SZRD1: variants seen among roughly 807,000 people sequenced by gnomAD.
The protein encoded by SZRD1 is SUZ RNA-binding domain-containing.
In SZRD1, 7 loss-of-function variants were observed where a neutral mutation model predicts 17.6. The observed-to-expected ratio is 0.40, with a 90% CI of 0.23 to 0.75. The LOEUF (loss-of-function observed/expected upper bound fraction) is 0.75. Among genes scored for constraint, SZRD1 ranks in the 30% least tolerant of loss-of-function variants. The probability of loss-of-function intolerance (pLI) is 0.38; values close to 1 mark genes in which losing one functional copy is unlikely to be tolerated. For missense variants in SZRD1, 178 were observed against 201.8 expected (o/e 0.88, Z 0.71); for synonymous variants, 77 against 77.9 (o/e 0.99, Z 0.06).
chr1:16,380,956 A>G (rs571822392), intron 1 of SZRD1, among the ~76,000 whole-genome samples: 1 of 150,692 alleles, frequency 6.6e-6, no homozygotes, highest in African/African-American at 2.4e-5. Context: ...GCATAGTGGC[A>G]TGTGCTTGTA....
intron 1 of SZRD1, among the ~76,000 whole-genome samples, chr1:16,383,723 G>A (rs931188782): frequency 6.7e-6 from 1 of 149,102 alleles, no homozygotes; most frequent in Non-Finnish European, 1.5e-5. Context: ...GGGTTCAAGC[G>A]ATTCTCCTGC....
intron 1 of SZRD1, among the ~76,000 whole-genome samples, chr1:16,368,473 TTCTC>T (rs1292024017): frequency 1.4e-5 from 2 of 141,004 alleles, no homozygotes; most frequent in African/African-American, 2.5e-5. Context: ...GGTTCAGCAT[TTCTC>T]TCAACGGTTG....
At chr1:16,373,604 G>T (rs1021437853) in intron 1 of SZRD1, among the ~76,000 whole-genome samples, 5 of 142,610 alleles carry the variant, frequency 3.5e-5, no homozygotes, top group Non-Finnish European at 6.2e-5. Flanking sequence ...AACAAAACAC[G>T]TTTTTTTTTT....
Position 16,395,020 on chromosome 1 carries a change from T to G in SZRD1, c.357-18T>G. 1 of 1,490,900 alleles carries G rather than the reference T, an allele frequency of 6.7e-7. No individual in the cohort carries two copies. Among genetic ancestry groups the G allele is most frequent in the Non-Finnish European group, 9.3e-7 (1 of 1,071,520 alleles). 92.4% of individuals were successfully genotyped at this position (1,490,900 alleles called of 1,614,324 possible). ...TTATATCCTTCTTCAGGCCTTCCTC[T>G]GCTTTTCTTCCTTTCAGGCCAACCA... On this transcript the variant is annotated intron_variant, in intron 3 of 3. Transcript: ENST00000401088.
At position 16,391,427 on chromosome 1, in the gene SZRD1, A is replaced by G; in HGVS notation, c.101+3A>G. ...CTGAAGATCACACAAAAAGAGAGGT[A>G]AGGCTGCTGTCTGGTCTGAGGGCTC... On this transcript the variant is annotated splice_donor_region_variant and intron_variant, in intron 2 of 3. Transcript: ENST00000401088. This position sits in a 1 kb window ranked among gnomAD's most constrained non-coding sequence, Gnocchi z 4.3. The G allele has an allele frequency of 6.5e-7, 1 of 1,548,950 alleles. No individual in the cohort carries two copies. Among genetic ancestry groups the G allele is most frequent in the Non-Finnish European group, 8.7e-7 (1 of 1,146,210 alleles).
intron 1 of SZRD1, among the ~76,000 whole-genome samples, chr1:16,379,060 A>T (rs1570013235): frequency 6.6e-6 from 1 of 151,392 alleles, no homozygotes; most frequent in Non-Finnish European, 1.5e-5. Context: ...TCCTGATGCC[A>T]CCTGCCTGCC....
intron 1 of SZRD1, among the ~76,000 whole-genome samples, chr1:16,376,571 C>T (rs182113796): frequency 2.0e-5 from 3 of 152,120 alleles, no homozygotes; most frequent in Admixed American, 1.3e-4. Context: ...TTTGGGGGGC[C>T]GAGGCAGGCG....
At chr1:16,381,048 A>T (rs1240909959) in intron 1 of SZRD1, among the ~76,000 whole-genome samples, 1 of 146,062 alleles carries the variant, frequency 6.8e-6, no homozygotes, top group East Asian at 2.0e-4. Flanking sequence ...GCATCACTGC[A>T]CTCCAGCCTG....
chr1:16,374,117 C>T (rs1489496807), intron 1 of SZRD1, among the ~76,000 whole-genome samples: 1 of 152,166 alleles, frequency 6.6e-6, no homozygotes, highest in Non-Finnish European at 1.5e-5. Context: ...CTATCTGGTG[C>T]TGATTTCTTT....
chr1:16,387,498 C>G (rs1165539910), intron 1 of SZRD1: 4 of 456,446 alleles, frequency 8.8e-6, no homozygotes, highest in African/African-American at 4.0e-5. Flanking sequence ...TTCTTCTGCG[C>G]TAGATCTGGC....
At chr1:16,387,329 T>C (rs1357935828) in intron 1 of SZRD1, 3 of 456,248 alleles carry the variant, frequency 6.6e-6, no homozygotes, top group Non-Finnish European at 1.3e-5. Context: ...CAGTTTGCTT[T>C]CCTCAGAGGA....
chr1:16,373,410 T>C (rs61770589), intron 1 of SZRD1, among the ~76,000 whole-genome samples: 12,696 of 151,784 alleles, frequency 0.084, 697 homozygotes, highest in Non-Finnish European at 0.12. Flanking sequence ...AGAAACCCTG[T>C]CTCTACTAAA....
chr1:16,381,612 A>G (rs1220710358), intron 1 of SZRD1, among the ~76,000 whole-genome samples: 1 of 151,816 alleles, frequency 6.6e-6, no homozygotes, highest in Non-Finnish European at 1.5e-5. Context: ...AGAGATTTAA[A>G]AGAAGTGCAG....
chr1:16,387,242 T>C (rs1475461021), intron 1 of SZRD1: 4 of 452,782 alleles, frequency 8.8e-6, no homozygotes, highest in Admixed American at 4.8e-5. Flanking sequence ...CTTGAAGCGC[T>C]TTTCTTCCAC....
Position 16,395,369 on chromosome 1 carries a change from C to A in SZRD1, c.*229C>A. 1.8e-6 allele frequency: 1 copy of A among 547,382 alleles called. No individual in the cohort carries two copies. The highest frequency in any genetic ancestry group is 3.4e-6 in the Non-Finnish European group (1 of 297,682). 33.9% of individuals were successfully genotyped at this position (547,382 alleles called of 1,614,324 possible). On this transcript the variant is annotated 3_prime_UTR_variant, in exon 4 of 4. Coordinates refer to ENST00000401088, the MANE Select transcript of SZRD1 (RefSeq NM_001114600.3). ...ATTGGCACATCGACAAGGGCTGTCCCAAGTCAATGGAAAGGGAAAGGGTGG... is the reference window on the plus strand; with the variant it reads ...ATTGGCACATCGACAAGGGCTGTCCAAAGTCAATGGAAAGGGAAAGGGTGG...
intron 1 of SZRD1, among the ~76,000 whole-genome samples, chr1:16,377,839 G>C (rs570259348): frequency 3.0e-4 from 46 of 152,308 alleles, no homozygotes; most frequent in African/African-American, 1.1e-3. Flanking sequence ...CTCTGAGTGT[G>C]AAGGCATTGT....
At chr1:16,373,181 C>G in intron 1 of SZRD1, among the ~76,000 whole-genome samples, 1 of 149,496 alleles carries the variant, frequency 6.7e-6, no homozygotes, top group East Asian at 2.0e-4. Flanking sequence ...CTTCCTTGTA[C>G]TTGGTTCTGG....
At chr1:16,386,177 C>A (rs1358041258) in intron 1 of SZRD1, among the ~76,000 whole-genome samples, 1 of 152,238 alleles carries the variant, frequency 6.6e-6, no homozygotes, top group East Asian at 1.9e-4. Flanking sequence ...CATAGGAGAT[C>A]ACTTTCCTGG....
At chr1:16,387,564 C>T (rs546231130) in intron 1 of SZRD1, 10 of 456,690 alleles carry the variant, frequency 2.2e-5, no homozygotes, top group African/African-American at 1.6e-4. Flanking sequence ...TCTTTGGTGC[C>T]CTGCAGCCCC....
Sources: gnomAD v4.1 joint callset for allele counts (sites outside exome capture counted in the v4.1 genomes callset) on GRCh38, gnomAD v4.1.1 for gene constraint, Gnocchi (gnomAD v3.1) non-coding constraint, MANE v1.5 for transcripts, NCBI Gene and HGNC (gene_info 2026-07-23, HGNC 2026-07-21) for gene names.